KIAA1614: variants seen among roughly 807,000 people sequenced by gnomAD.
KIAA1614 encodes the protein KIAA1614.
A neutral mutation model predicts 88.7 loss-of-function variants in KIAA1614; 76 were observed. The ratio of observed to expected loss-of-function variants is 0.86; its 90% CI spans 0.71 to 1.04. The LOEUF (loss-of-function observed/expected upper bound fraction) is 1.04. Ranked by LOEUF, KIAA1614 falls within the 50% of genes least tolerant of loss-of-function variation. KIAA1614 has a pLI of 0.00. For missense variants in KIAA1614, 1,553 were observed against 1,582.5 expected (o/e 0.98, Z 0.32); for synonymous variants, 714 against 675.5 (o/e 1.06, Z -0.88).
intron 3 of KIAA1614, among the ~76,000 whole-genome samples, chr1:180,923,573 A>G (rs1447931250): frequency 6.6e-6 from 1 of 152,218 alleles, no homozygotes; most frequent in Non-Finnish European, 1.5e-5. Context: ...GGCTGCAGCC[A>G]TAGCTGGCAC....
intron 7 of KIAA1614, among the ~76,000 whole-genome samples, chr1:180,943,548 A>ATTTTTTTTTTGTTTTTTTTTTTTTTTTT (rs201999726): frequency 1.3e-5 from 1 of 74,862 alleles, no homozygotes; most frequent in Non-Finnish European, 2.5e-5. Context: ...ATGGTAGTAG[A>ATTTTTTTTTTGTTTTTTTTTTTTTTTTT]TCTTTTTTTT....
At chr1:180,927,461 G>A (rs188714002) in intron 3 of KIAA1614, among the ~76,000 whole-genome samples, 4 of 152,324 alleles carry the variant, frequency 2.6e-5, no homozygotes, top group East Asian at 1.9e-4. Context: ...ATTGACGTTC[G>A]ACCTTGAACA....
intron 3 of KIAA1614, chr1:180,928,107 A>C: frequency 1.4e-5 from 3 of 214,292 alleles, no homozygotes; most frequent in Non-Finnish European, 2.8e-5. Context: ...TGCCTGGGGA[A>C]GGAACAATAG....
At chr1:180,936,878 C>T (rs956391921) in intron 5 of KIAA1614, among the ~76,000 whole-genome samples, 6 of 152,266 alleles carry the variant, frequency 3.9e-5, no homozygotes, top group Middle Eastern at 3.4e-3. Flanking sequence ...CAGGATTGAC[C>T]GCCGGCCTGG....
chr1:180,939,479 C>G (rs1485913138), intron 6 of KIAA1614, among the ~76,000 whole-genome samples: 1 of 152,190 alleles, frequency 6.6e-6, no homozygotes, highest in African/African-American at 2.4e-5. Flanking sequence ...TCCAGGAGTC[C>G]TGGGCTGCTT....
Position 180,945,617 on chromosome 1 carries a change from C to T in KIAA1614, c.*29C>T, listed in dbSNP as rs756786103. On this transcript the variant is annotated 3_prime_UTR_variant, in exon 9 of 9. Transcript: ENST00000367588. ...GTGCAGCTCTGGGAATTCAGAAAGC[C>T]TCTGACTACAGGACTAGGCTTCTCC... 5 of 1,573,024 alleles carry T rather than the reference C, an allele frequency of 3.2e-6. No individual in the cohort carries two copies. The Admixed American group carries it at 8.1e-5, about 25-fold the overall frequency.
chr1:180,944,109 A>C (rs1420246841), intron 7 of KIAA1614: 2 of 226,428 alleles, frequency 8.8e-6, no homozygotes, highest in Non-Finnish European at 1.7e-5. Flanking sequence ...TAATGAGTAC[A>C]TTAGATTTCC....
intron 3 of KIAA1614, among the ~76,000 whole-genome samples, chr1:180,925,837 C>A (rs1295087265): frequency 6.6e-6 from 1 of 151,900 alleles, no homozygotes; most frequent in Non-Finnish European, 1.5e-5. Flanking sequence ...GCCACTCGGT[C>A]AGGGCCAAAC....
At chr1:180,943,038 T>TTTTTGTTTGTGTG (rs1553260085) in intron 7 of KIAA1614, among the ~76,000 whole-genome samples, 1 of 149,346 alleles carries the variant, frequency 6.7e-6, no homozygotes, top group Non-Finnish European at 1.5e-5. Flanking sequence ...GTTTTTTTTT[T>TTTTTGTTTGTGTG]TTTTTTAAGA....
intron 3 of KIAA1614, among the ~76,000 whole-genome samples, chr1:180,921,249 T>C (rs1345819263): frequency 2.6e-5 from 4 of 152,002 alleles, no homozygotes; most frequent in Non-Finnish European, 4.4e-5. Flanking sequence ...GTGGAGGAGA[T>C]TTTGAGCCAG....
chr1:180,927,374 A>G (rs1654091335), intron 3 of KIAA1614, among the ~76,000 whole-genome samples: 1 of 152,244 alleles, frequency 6.6e-6, no homozygotes, highest in South Asian at 2.1e-4. Context: ...CCTGAGACCC[A>G]AGGCAGGAGA....
At position 180,945,039 on chromosome 1, in the gene KIAA1614, C is replaced by T. The variant is rs554013682; in HGVS notation, c.3288-264C>T. 6.0e-6 allele frequency: 3 copies of T among 498,426 alleles called. No homozygotes were observed. In the East Asian group the frequency reaches 1.1e-4, roughly 18 times the overall value. The allele number at this position is 498,426 out of a possible 1,614,324, so 30.9% of individuals were successfully genotyped here. ...TTTTGTCAGATTCTTACAAAGGTCT[C>T]TGTACCCCCCAAAATTTGAAACCAC... On this transcript the variant is annotated intron_variant, in intron 8 of 8. Coordinates refer to ENST00000367588, the MANE Select transcript of KIAA1614 (RefSeq NM_020950.2).
chr1:180,913,208 G>T lies in KIAA1614; in HGVS notation c.-36G>T. 1 of 1,253,428 alleles carries T rather than the reference G, an allele frequency of 8.0e-7. No individual in the cohort carries two copies. The highest frequency in any genetic ancestry group is 3.5e-5 in the South Asian group (1 of 28,256). 77.6% of individuals were successfully genotyped at this position (1,253,428 alleles called of 1,614,324 possible). A position where few individuals can be genotyped will look rare whatever the true frequency, so the allele number is the denominator to read the frequency against. On this transcript the variant is annotated 5_prime_UTR_variant, in exon 1 of 9. Coordinates refer to ENST00000367588, the MANE Select transcript of KIAA1614 (RefSeq NM_020950.2). ...CGAACCCAGCAGCTGGCCTGGGAGG[G>T]AGAAGGGGCTGGAGAGGGCCTGGCC...
rs1300492041 is a variant in KIAA1614 at position 180,916,898 on chromosome 1, T to C, written c.795T>C (p.Phe265=). ...CATCCCTGACCTCCGAGGAGGTCTT[T>C]GTCCCCAGGACGGCCCTGCTGGGTG... The part of the protein sequence containing the change: ...DSTSLTSEEV[F]VPRTALLGER... The change falls in exon 2 of 9, where the codon TTT becomes TTC. Residue 265 remains phenylalanine (F), a synonymous_variant. Coordinates refer to ENST00000367588, the MANE Select transcript of KIAA1614 (RefSeq NM_020950.2). The C allele has an allele frequency of 1.2e-6, 2 of 1,614,112 alleles. No individual in the cohort carries two copies. Among genetic ancestry groups the C allele is most frequent in the Non-Finnish European group, 1.7e-6 (2 of 1,180,052 alleles).
At position 180,916,997 on chromosome 1, in the gene KIAA1614, G is replaced by C. The variant is rs1278411170; in HGVS notation, c.894G>C (p.Glu298Asp). The stretch of plus-strand genomic sequence containing the variant: ...TCTTGTCCCTGTCTGATCGGGTGGA[G>C]AGAAACCGCCTGTTGCTGCAGGAGA... ...SSVLSLSDRV[E>D]RNRLLLQEML... The change falls in exon 2 of 9, where the codon GAG becomes GAC. Residue 298 changes from glutamate to aspartate, a missense_variant. Physicochemically the swap from Glu to Asp is conservative, Grantham distance 45 (BLOSUM62 2). Coordinates refer to ENST00000367588, the MANE Select transcript of KIAA1614 (RefSeq NM_020950.2). The C allele has an allele frequency of 6.2e-7, 1 of 1,614,106 alleles. No individual in the cohort carries two copies. Among genetic ancestry groups the C allele is most frequent in the Admixed American group, 1.7e-5 (1 of 60,032 alleles).
chr1:180,916,209 G>A lies in KIAA1614; in HGVS notation c.106G>A (p.Glu36Lys). ...CCCCGTGGAGGGGACCTCAGCTGTGGAGTGGAGTGGTCCTGAGCCACAGCT... is the reference window on the plus strand; with the variant it reads ...CCCCGTGGAGGGGACCTCAGCTGTGAAGTGGAGTGGTCCTGAGCCACAGCT... Reference protein sequence around the residue: ...ASPVEGTSAVEWSGPEPQLDN... With the variant: ...ASPVEGTSAVKWSGPEPQLDN... Residue 36 changes from glutamate (E) to lysine (K), a missense_variant, in exon 2 of 9, where the codon GAG becomes AAG. Physicochemically the swap from Glu to Lys is moderately conservative, Grantham distance 56. Transcript: ENST00000367588. 15 of 1,610,152 alleles carry A rather than the reference G, an allele frequency of 9.3e-6. No individual in the cohort carries two copies. Among genetic ancestry groups the A allele is most frequent in the Non-Finnish European group, 1.3e-5 (15 of 1,178,412 alleles).
chr1:180,913,319 G>A (rs1653701973), intron 1 of KIAA1614, 26 bp downstream of exon 1: 3 of 1,238,468 alleles, frequency 2.4e-6, no homozygotes, highest in South Asian at 3.9e-5. Context: ...GCAGCGCCGG[G>A]CCGGCCGGGC....
intron 5 of KIAA1614, among the ~76,000 whole-genome samples, chr1:180,937,663 G>A (rs937635542): frequency 6.6e-6 from 1 of 152,210 alleles, no homozygotes; most frequent in Non-Finnish European, 1.5e-5. Context: ...GAGGGAGAGA[G>A]GGCAGAGAGA....
Position 180,917,882 on chromosome 1 carries a change from G to C in KIAA1614, c.1029G>C (p.Ser343=). ...CAGTGGGGGATGTGGACTGGGCCTC[G>C]GGCACCTCCTTGCAGGACTCCGGCC... is the stretch of plus-strand genomic sequence containing the variant. ...ERPVGDVDWA[S]GTSLQDSGQN... is the part of the protein sequence containing the mutation. Residue 343 remains serine (S), a synonymous_variant, in exon 3 of 9, where the codon TCG becomes TCC. Transcript: ENST00000367588. 1 of 1,613,880 alleles carries C rather than the reference G, an allele frequency of 6.2e-7. No individual in the cohort carries two copies. Among genetic ancestry groups the C allele is most frequent in the Non-Finnish European group, 8.5e-7 (1 of 1,179,966 alleles).
Sources: gnomAD v4.1 joint callset for allele counts (sites outside exome capture counted in the v4.1 genomes callset) on GRCh38, gnomAD v4.1.1 for gene constraint, MANE v1.5 for transcripts, NCBI Gene and HGNC (gene_info 2026-07-23, HGNC 2026-07-21) for gene names.